The following MPDZ variants were observed in gnomAD, a reference collection of about 807,000 sequenced individuals.
The protein encoded by MPDZ is multiple PDZ domain crumbs cell polarity complex component, also known as multiple PDZ domain protein.
A neutral mutation model predicts 239.1 loss-of-function variants in MPDZ; 234 were observed. That is an observed-to-expected ratio of 0.98 (90% CI 0.88 to 1.09). MPDZ has a LOEUF of 1.09. MPDZ is among the 50% of genes least tolerant of loss of function. The probability of loss-of-function intolerance (pLI) is 0.00; values close to 1 mark genes in which losing one functional copy is unlikely to be tolerated. For synonymous variants in MPDZ, 1,048 were observed against 881.3 expected (o/e 1.19, Z -3.35); for missense variants, 3,175 against 2,510.0 (o/e 1.26, Z -5.66).
In MPDZ at chr9:13,175,761, A is replaced by T; in HGVS notation, c.3046T>A (p.Ser1016Thr). The T allele has an allele frequency of 6.4e-7, 1 of 1,569,816 alleles. No homozygotes were observed. Among genetic ancestry groups the T allele is most frequent in the Admixed American group, 1.9e-5 (1 of 53,086 alleles). Residue 1016 changes from serine to threonine, a missense_variant, in exon 21 of 47, where the codon TCT becomes ACT. Coordinates refer to ENST00000319217, the MANE Select transcript of MPDZ (RefSeq NM_001378778.1). ...AAAATGAGAAACTTACCTAGGCTAG[A>T]ATTGCCTTTTGCTATATTAATAGTC... The part of the protein sequence containing the change: ...ERTINIAKGN[S>T]SLGMTVSANK...
At chr9:13,190,440 C>A in intron 15 of MPDZ, 141 bp from the exon 16 acceptor site, 2 of 695,074 alleles carry the variant, frequency 2.9e-6, no homozygotes, top group South Asian at 5.4e-5. Flanking sequence ...TTTCATGAAA[C>A]CTTTAGGAAT....
rs765801819 is a variant in MPDZ at position 13,224,449 on chromosome 9, T to C, written c.318A>G (p.Thr106=). The C allele has an allele frequency of 5.0e-6, 8 of 1,612,890 alleles. No homozygotes were observed. The highest frequency in any genetic ancestry group is 3.3e-5 in the Admixed American group (2 of 59,850). The part of the protein sequence containing the change: ...SPNNGNLEAL[T]GPGIPHINGK... ...CATTAATGTGTGGAATACCAGGTCCTGTAAGTGCTTCCAGATTCCCATTGT... is the reference window on the plus strand; with the variant it reads ...CATTAATGTGTGGAATACCAGGTCCCGTAAGTGCTTCCAGATTCCCATTGT... Residue 106 remains threonine (T), a synonymous_variant, in exon 4 of 47, where the codon ACA becomes ACG. Transcript: ENST00000319217.
chr9:13,223,572 T>A lies in MPDZ; in HGVS notation c.532A>T (p.Arg178Ter). ...AAGAAGACGCCGCGACCATCTCACC[T>A]ATGGGCCACACTGCCCTCTTGTATC... is the stretch of plus-strand genomic sequence containing the variant. Reference protein sequence around the residue: ...QEIQEGSVAHRDGRLKETDQI... With the variant: ...QEIQEGSVAH Residue 178 changes from arginine to a stop codon, truncating the protein, a stop_gained and splice_region_variant, in exon 5 of 47, where the codon AGA (arginine) becomes TGA (stop). Coordinates refer to ENST00000319217, the MANE Select transcript of MPDZ (RefSeq NM_001378778.1). LOFTEE classifies it high-confidence loss of function. 1 of 1,610,236 alleles carries A rather than the reference T, an allele frequency of 6.2e-7. No individual in the cohort carries two copies. Among genetic ancestry groups the A allele is most frequent in the Non-Finnish European group, 8.5e-7 (1 of 1,177,832 alleles).
At chr9:13,176,459 G>T in intron 19 of MPDZ, 42 bp from the exon 20 acceptor site, 3 of 1,450,854 alleles carry the variant, frequency 2.1e-6, no homozygotes, top group South Asian at 3.1e-5. Flanking sequence ...TGAAAAATGT[G>T]ACCAGAATTA....
chr9:13,126,643 C>G (rs1401950021), intron 33 of MPDZ, 37 bp downstream of exon 33: 1 of 1,609,766 alleles, frequency 6.2e-7, no homozygotes, highest in Non-Finnish European at 8.5e-7. Flanking sequence ...AATTCCCTCC[C>G]CAACTACTTA....
At chr9:13,139,237 T>C (rs993257319) in intron 28 of MPDZ, among the ~76,000 whole-genome samples, 1 of 152,218 alleles carries the variant, frequency 6.6e-6, no homozygotes, top group South Asian at 2.1e-4. Context: ...CCTAAAAAGA[T>C]GTACTACAGC....
chr9:13,184,174 T>C (rs1953763209), intron 18 of MPDZ, among the ~76,000 whole-genome samples: 1 of 152,056 alleles, frequency 6.6e-6, no homozygotes, highest in African/African-American at 2.4e-5. Context: ...CTTTAAGTTA[T>C]AAACTTGTAA....
intron 44 of MPDZ, among the ~76,000 whole-genome samples, 161 bp downstream of exon 44, chr9:13,110,475 T>C (rs912892134): frequency 2.6e-5 from 4 of 152,206 alleles, no homozygotes; most frequent in African/African-American, 7.2e-5. Context: ...ATATGTCTCA[T>C]ATGCACTTTA....
chr9:13,137,437 G>C (rs943225472), intron 29 of MPDZ, among the ~76,000 whole-genome samples: 1 of 152,142 alleles, frequency 6.6e-6, no homozygotes, highest in Non-Finnish European at 1.5e-5. Flanking sequence ...GCCCAGGAGG[G>C]GCAAGGACAA....
chr9:13,157,089 T>C (rs1385780314), intron 24 of MPDZ, among the ~76,000 whole-genome samples: 6 of 152,198 alleles, frequency 3.9e-5, no homozygotes, highest in African/African-American at 1.2e-4. Context: ...AGGTTATCAC[T>C]GGTGGGCAGG....
intron 3 of MPDZ, among the ~76,000 whole-genome samples, chr9:13,243,434 T>G (rs1965889746): frequency 6.6e-6 from 1 of 152,036 alleles, no homozygotes; most frequent in Admixed American, 6.6e-5. Flanking sequence ...CCCAAGGTCC[T>G]TGGTATATCT....
chr9:13,243,704 G>A (rs1473753847), intron 3 of MPDZ, among the ~76,000 whole-genome samples: 1 of 152,092 alleles, frequency 6.6e-6, no homozygotes, highest in Non-Finnish European at 1.5e-5. Context: ...CATCTCTACA[G>A]TTATTTCAAG....
chr9:13,146,284 T>C (rs1490863429), intron 26 of MPDZ, among the ~76,000 whole-genome samples: 2 of 152,160 alleles, frequency 1.3e-5, no homozygotes, highest in Non-Finnish European at 2.9e-5. Flanking sequence ...TTAAAATAAA[T>C]CTGGTCACTT....
intron 40 of MPDZ, 146 bp downstream of exon 40, chr9:13,115,102 T>C (rs1433701748): frequency 1.6e-6 from 1 of 616,862 alleles, no homozygotes; most frequent in Non-Finnish European, 2.9e-6. Context: ...GATTCCTTGT[T>C]CTTCTCTGTC....
At chr9:13,190,022 A>G in intron 16 of MPDZ, 92 bp downstream of exon 16, 1 of 1,149,656 alleles carries the variant, frequency 8.7e-7, no homozygotes. Flanking sequence ...AAAAAAGAAA[A>G]CATCTTTGAT....
At chr9:13,107,239 G>A in intron 46 of MPDZ, 128 bp from the exon 47 acceptor site, 1 of 991,912 alleles carries the variant, frequency 1.0e-6, no homozygotes, top group Non-Finnish European at 1.4e-6. Flanking sequence ...AGTGCTCCAT[G>A]GGTGCTCTAA....
At chr9:13,240,015 T>G (rs538946557) in intron 3 of MPDZ, among the ~76,000 whole-genome samples, 1 of 152,232 alleles carries the variant, frequency 6.6e-6, no homozygotes, top group Non-Finnish European at 1.5e-5. Context: ...ATGCTGAAAT[T>G]TTCTACATCA....
chr9:13,236,173 T>TTG (rs561178772), intron 3 of MPDZ, among the ~76,000 whole-genome samples: 3 of 142,872 alleles, frequency 2.1e-5, no homozygotes, highest in South Asian at 2.3e-4. Context: ...ATGCTGGGTT[T>TTG]TGTGTGTGTG....
intron 39 of MPDZ, among the ~76,000 whole-genome samples, chr9:13,115,716 C>T (rs981856525): frequency 1.7e-4 from 26 of 151,950 alleles, no homozygotes; most frequent in Admixed American, 5.2e-4. Flanking sequence ...GAGGCCGAGG[C>T]GGGTGGATCA....
Sources: allele counts gnomAD v4.1 joint callset (sites outside exome capture counted in the v4.1 genomes callset), GRCh38; gene constraint gnomAD v4.1.1; transcripts MANE v1.5; gene names NCBI Gene and HGNC (gene_info 2026-07-23, HGNC 2026-07-21).